The following PDE4D variants were observed in gnomAD, a reference collection of about 807,000 sequenced individuals.
PDE4D encodes the protein phosphodiesterase 4D, also known as 3',5'-cyclic-AMP phosphodiesterase 4D.
A neutral mutation model predicts 87.4 loss-of-function variants in PDE4D; 24 were observed. The observed-to-expected ratio is 0.27, with a 90% confidence interval of 0.20 to 0.39. PDE4D has a LOEUF of 0.39. PDE4D is among the 10% of genes least tolerant of loss of function. The pLI is 1.00. For synonymous variants in PDE4D, 384 were observed against 383.2 expected (o/e 1.00, Z -0.02); for missense variants, 714 against 1,041.0 (o/e 0.69, Z 4.32).
chr5:59,219,736 T>C (rs953291256), intron 1 of PDE4D, among the ~76,000 whole-genome samples: 1 of 152,156 alleles, frequency 6.6e-6, no homozygotes, highest in Admixed American at 6.6e-5. Context: ...ATATAAATAC[T>C]AAAACACGAA....
chr5:60,191,511 C>T (rs1785194827), intron 1 of PDE4D, among the ~76,000 whole-genome samples: 1 of 152,134 alleles, frequency 6.6e-6, no homozygotes, highest in South Asian at 2.1e-4. Flanking sequence ...TTCCCCTTCG[C>T]CTTTCAACAT....
intron 1 of PDE4D, among the ~76,000 whole-genome samples, chr5:60,264,205 A>G (rs1277847975): frequency 6.6e-6 from 1 of 152,160 alleles, no homozygotes; most frequent in Non-Finnish European, 1.5e-5. Context: ...ATAAGACCCA[A>G]TGATCTGAAA....
At chr5:59,936,625 C>A (rs1756611277) in intron 3 of PDE4D, among the ~76,000 whole-genome samples, 1 of 152,176 alleles carries the variant, frequency 6.6e-6, no homozygotes, top group Admixed American at 6.5e-5. Flanking sequence ...AGGTCTGCCA[C>A]TCCATAGCTG....
intron 1 of PDE4D, among the ~76,000 whole-genome samples, chr5:60,398,163 G>C (rs1763017452): frequency 6.6e-6 from 1 of 152,176 alleles, no homozygotes; most frequent in Non-Finnish European, 1.5e-5. Flanking sequence ...TTAGTGCCCA[G>C]CTGGGAAGAC....
intron 1 of PDE4D, among the ~76,000 whole-genome samples, chr5:59,330,372 T>A (rs1776498344): frequency 6.6e-6 from 1 of 152,064 alleles, no homozygotes; most frequent in South Asian, 2.1e-4. Flanking sequence ...TTGGACCCCA[T>A]CGCTAAACTA....
intron 1 of PDE4D, among the ~76,000 whole-genome samples, chr5:60,504,784 T>G (rs1234719444): frequency 6.6e-6 from 1 of 152,186 alleles, no homozygotes; most frequent in Non-Finnish European, 1.5e-5. Flanking sequence ...AATGGGGATA[T>G]TCTTTTAAAT....
rs184867206 is a variant in PDE4D, at chr5:59,809,043, C to A, written c.455+84125G>T. Among the ~76,000 whole-genome samples the A allele has an allele frequency of 1.2e-4, 19 of 152,184 alleles. No homozygotes were observed. The East Asian group carries it at 2.7e-3, about 22-fold the overall frequency. On this transcript the variant is annotated intron_variant, in intron 1 of 14. Coordinates refer to ENST00000340635, the MANE Select transcript of PDE4D (RefSeq NM_001104631.2). Reference sequence around the variant, plus strand: ...ATTCCAGTGACATATCGAGTCACTACCCCGTAATTTAAAAATATAATGTAA... The same window carrying A: ...ATTCCAGTGACATATCGAGTCACTAACCCGTAATTTAAAAATATAATGTAA...
chr5:60,245,970 G>T (rs1583198173), intron 1 of PDE4D, among the ~76,000 whole-genome samples: 1 of 151,884 alleles, frequency 6.6e-6, no homozygotes, highest in East Asian at 1.9e-4. Context: ...TGCTTGAGGT[G>T]ACAGACACCC....
intron 3 of PDE4D, among the ~76,000 whole-genome samples, chr5:59,911,288 C>A (rs1333262577): frequency 6.6e-6 from 1 of 152,126 alleles, no homozygotes; most frequent in Non-Finnish European, 1.5e-5. Context: ...AAGATTGGTG[C>A]TTGAGATATT....
chr5:59,215,811 A>T lies in PDE4D; in HGVS notation c.613T>A (p.Ser205Thr). Reference protein sequence around the residue: ...SDSDYDLSPKSMSRNSSIASD... With the variant: ...SDSDYDLSPKTMSRNSSIASD... ...GCAATGGAGGAGTTCCGGGACATAGACTTTGGAGAGAGGTCATAATCGCTG... is the reference window on the plus strand; with the variant it reads ...GCAATGGAGGAGTTCCGGGACATAGTCTTTGGAGAGAGGTCATAATCGCTG... The change falls in exon 2 of 15, where the codon TCT becomes ACT. Residue 205 changes from serine (S) to threonine (T), a missense_variant. Transcript: ENST00000340635. The T allele has an allele frequency of 6.2e-7, 1 of 1,613,606 alleles. No individual in the cohort carries two copies. The highest frequency in any genetic ancestry group is 8.5e-7 in the Non-Finnish European group (1 of 1,179,650).
At chr5:60,458,716 G>C (rs1473328023) in intron 1 of PDE4D, among the ~76,000 whole-genome samples, 1 of 151,088 alleles carries the variant, frequency 6.6e-6, no homozygotes. Flanking sequence ...ACGTGGTAGT[G>C]AGCAGCACAT....
At chr5:59,129,534 T>C (rs1238418608) in intron 5 of PDE4D, among the ~76,000 whole-genome samples, 1 of 152,220 alleles carries the variant, frequency 6.6e-6, no homozygotes, top group African/African-American at 2.4e-5. Context: ...TCACCATGGT[T>C]TGTAACATTG....
At chr5:60,190,054 TA>T (rs1785083613) in intron 1 of PDE4D, among the ~76,000 whole-genome samples, 1 of 152,164 alleles carries the variant, frequency 6.6e-6, no homozygotes, top group Non-Finnish European at 1.5e-5. Flanking sequence ...GTGGCATGTA[TA>T]AAAAGAGAAG....
chr5:59,988,861 T>C (rs569944015), intron 2 of PDE4D: 9 of 477,730 alleles, frequency 1.9e-5, no homozygotes, highest in East Asian at 1.6e-4. Context: ...TGACATTAAC[T>C]GAACAATATT....
chr5:59,754,796 C>CTTT (rs1760973786), intron 1 of PDE4D, among the ~76,000 whole-genome samples: 7 of 83,870 alleles, frequency 8.3e-5, no homozygotes, highest in Admixed American at 4.1e-4. Context: ...TTCCACAGAA[C>CTTT]ATTTTTTTTT....
chr5:60,128,374 T>C lies in PDE4D; in HGVS notation c.42+57183A>G, dbSNP rs190438817. The stretch of plus-strand genomic sequence containing the variant: ...CAGAGAGTCAATGAAATTCATTCCT[T>C]CTTCCCTGGGCCCATAGCTAGACCA... On this transcript the variant is annotated intron_variant, in intron 2 of 16. Coordinates refer to the PDE4D transcript ENST00000502484. Among the ~76,000 whole-genome samples the C allele has an allele frequency of 2.7e-3, 407 of 152,338 alleles. 3 individuals are homozygous for C. Among genetic ancestry groups the C allele is most frequent in the African/African-American group, 9.4e-3 (391 of 41,582 alleles).
intron 1 of PDE4D, among the ~76,000 whole-genome samples, chr5:59,547,169 G>A (rs1440550652): frequency 1.3e-5 from 2 of 152,142 alleles, no homozygotes; most frequent in Non-Finnish European, 2.9e-5. Flanking sequence ...AAAATAAGGA[G>A]TAAAAATACT....
intron 2 of PDE4D, among the ~76,000 whole-genome samples, chr5:60,110,119 T>A (rs77223771): frequency 1.3e-5 from 2 of 151,956 alleles, no homozygotes; most frequent in African/African-American, 4.8e-5. Context: ...AAATAAAAAC[T>A]ATTTGGCTAA....
intron 1 of PDE4D, among the ~76,000 whole-genome samples, chr5:59,479,662 A>G (rs1460692075): frequency 1.3e-5 from 2 of 152,098 alleles, no homozygotes; most frequent in Non-Finnish European, 2.9e-5. Context: ...AAGAGTAAGC[A>G]GGATTTTGTG....
Sources: gnomAD v4.1 joint callset for allele counts (sites outside exome capture counted in the v4.1 genomes callset) on GRCh38, gnomAD v4.1.1 for gene constraint, MANE v1.5 for transcripts, NCBI Gene and HGNC (gene_info 2026-07-23, HGNC 2026-07-21) for gene names.